TMEM178B: variants seen among roughly 807,000 people sequenced by gnomAD.
The protein encoded by TMEM178B is transmembrane protein 178B.
In TMEM178B, 5 loss-of-function variants were observed where a neutral mutation model predicts 31.0. The observed-to-expected ratio is 0.16, with a 90% CI of 0.08 to 0.34. The LOEUF (loss-of-function observed/expected upper bound fraction) is 0.34. TMEM178B is among the 10% of genes least tolerant of loss of function. The pLI, the probability that TMEM178B is intolerant of heterozygous loss-of-function variation, is 1.00. For synonymous variants in TMEM178B, 164 were observed against 164.0 expected, an observed-to-expected ratio of 1.00 and a Z score of 0.00; for missense variants, 275 against 400.3, an observed-to-expected ratio of 0.69 and a Z score of 2.67.
chr7:141,510,629 G>A, the TMEM178B span, among the ~76,000 whole-genome samples: 1 of 125,892 alleles, frequency 7.9e-6, no homozygotes, highest in African/African-American at 2.9e-5. Context: ...AGGTTGCGGT[G>A]AGCCAAGAAC....
At chr7:141,293,162 T>C (rs1425677050) in intron 2 of TMEM178B, among the ~76,000 whole-genome samples, 1 of 152,202 alleles carries the variant, frequency 6.6e-6, no homozygotes, top group East Asian at 1.9e-4. Flanking sequence ...GGTTTGGAGA[T>C]GAAACACACT....
At chr7:141,172,738 G>C (rs1796368269) in intron 1 of TMEM178B, among the ~76,000 whole-genome samples, 1 of 152,216 alleles carries the variant, frequency 6.6e-6, no homozygotes. Context: ...GTGATTATGA[G>C]ATGGTAAAGG....
chr7:141,319,919 C>G (rs970389803), intron 2 of TMEM178B, among the ~76,000 whole-genome samples: 2 of 152,164 alleles, frequency 1.3e-5, no homozygotes, highest in African/African-American at 4.8e-5. Flanking sequence ...AAACCTGACT[C>G]ATAGGATCAG....
chr7:141,230,881 G>A (rs1292790348), intron 2 of TMEM178B, among the ~76,000 whole-genome samples: 1 of 152,126 alleles, frequency 6.6e-6, no homozygotes, highest in Non-Finnish European at 1.5e-5. Context: ...GAACCTTGAA[G>A]GCAGGTCACA....
intron 2 of TMEM178B, among the ~76,000 whole-genome samples, chr7:141,391,833 A>T (rs1386105267): frequency 6.6e-6 from 1 of 152,192 alleles, no homozygotes; most frequent in Non-Finnish European, 1.5e-5. Flanking sequence ...CTCAAGGTTC[A>T]TCCATGTTGT....
chr7:141,260,739 T>G (rs892902707), intron 2 of TMEM178B, among the ~76,000 whole-genome samples: 1 of 152,174 alleles, frequency 6.6e-6, no homozygotes, highest in African/African-American at 2.4e-5. Context: ...AAAAACATTA[T>G]TTTCAAATTA....
intron 2 of TMEM178B, among the ~76,000 whole-genome samples, chr7:141,270,221 T>C (rs1331324279): frequency 6.6e-6 from 1 of 152,124 alleles, no homozygotes; most frequent in Non-Finnish European, 1.5e-5. Flanking sequence ...AGTACACAGC[T>C]CTGGGGAGCA....
intron 2 of TMEM178B, among the ~76,000 whole-genome samples, chr7:141,428,634 C>T (rs1801366387): frequency 6.6e-6 from 1 of 152,080 alleles, no homozygotes; most frequent in South Asian, 2.1e-4. Flanking sequence ...GGCAGGCCAC[C>T]CCACGTGTGG....
intron 1 of TMEM178B, among the ~76,000 whole-genome samples, chr7:141,118,960 A>G (rs933849560): frequency 3.3e-5 from 5 of 152,310 alleles, no homozygotes; most frequent in Non-Finnish European, 2.9e-5. Context: ...CAGGTCCCCA[A>G]GGGTAATTAT....
chr7:141,220,677 T>A (rs1391674374), intron 2 of TMEM178B, among the ~76,000 whole-genome samples: 2 of 152,158 alleles, frequency 1.3e-5, no homozygotes, highest in Non-Finnish European at 2.9e-5. Context: ...CAGGTCCAAT[T>A]TTGTGCTGGG....
intron 1 of TMEM178B, among the ~76,000 whole-genome samples, chr7:141,198,236 A>G (rs1278484871): frequency 1.3e-5 from 2 of 152,108 alleles, no homozygotes; most frequent in Non-Finnish European, 2.9e-5. Flanking sequence ...TATTGAGCTC[A>G]GTCTGTAGGA....
intron 1 of TMEM178B, among the ~76,000 whole-genome samples, chr7:141,159,781 A>T (rs1450667773): frequency 2.0e-5 from 3 of 152,012 alleles, no homozygotes; most frequent in Non-Finnish European, 4.4e-5. Context: ...ATAGAGACAG[A>T]AGGTAGAAGG....
At chr7:141,178,513 A>G (rs1489287002) in intron 1 of TMEM178B, among the ~76,000 whole-genome samples, 2 of 152,234 alleles carry the variant, frequency 1.3e-5, no homozygotes, top group African/African-American at 4.8e-5. Context: ...CAACCTACAC[A>G]AAGCTTAAAA....
At chr7:141,361,724 G>A (rs779281222) in intron 2 of TMEM178B, among the ~76,000 whole-genome samples, 3 of 152,138 alleles carry the variant, frequency 2.0e-5, no homozygotes, top group South Asian at 2.1e-4. Flanking sequence ...CCATGACACC[G>A]AGGCTGAGTG....
In TMEM178B at chr7:141,356,651, C is replaced by CG. The variant is rs1261477973; in HGVS notation, c.497-80950dup. Among the ~76,000 whole-genome samples, 244 of 64,098 alleles carry CG rather than the reference C, an allele frequency of 3.8e-3. 1 individual carries two copies. The highest frequency in any genetic ancestry group is 0.014 in the African/African-American group (233 of 17,138). The allele number at this position is 64,098 out of a possible 152,430, so 42.1% of individuals were successfully genotyped here. On this transcript the variant is annotated intron_variant, in intron 2 of 3. Transcript: ENST00000565468. Reference sequence around the variant, plus strand: ...GTCAGACCATAGTTGCGGGGTTGGGCGGGGGGGTGGTCTCTGCCTCAGGAT... The same window carrying CG: ...GTCAGACCATAGTTGCGGGGTTGGGCGGGGGGGGTGGTCTCTGCCTCAGGAT...
At chr7:141,139,461 C>T (rs1397586941) in intron 1 of TMEM178B, among the ~76,000 whole-genome samples, 2 of 152,136 alleles carry the variant, frequency 1.3e-5, no homozygotes, top group African/African-American at 4.8e-5. Flanking sequence ...AAGAGATCTT[C>T]CCACCTCAGC....
intron 2 of TMEM178B, among the ~76,000 whole-genome samples, chr7:141,373,653 C>T (rs765286124): frequency 6.6e-6 from 1 of 152,144 alleles, no homozygotes. Context: ...CCCTCCACCC[C>T]CCCAACACAC....
rs1799568437 is a variant in TMEM178B at position 141,344,176 on chromosome 7, G to T, written c.497-93432G>T. On this transcript the variant is annotated intron_variant, in intron 2 of 3. Coordinates refer to ENST00000565468, the MANE Select transcript of TMEM178B (RefSeq NM_001195278.2). This position sits in a 1 kb window ranked among gnomAD's most constrained non-coding sequence, Gnocchi z 4.1. ...TTTAAGGGTGACACAGCTTAATAAT[G>T]GTTGTATCAACAGCAGCAGCAGTTA... is the stretch of plus-strand genomic sequence containing the variant. Among the ~76,000 whole-genome samples, 1 of 152,156 alleles carries T rather than the reference G, an allele frequency of 6.6e-6. No homozygotes were observed. Among genetic ancestry groups the T allele is most frequent in the Non-Finnish European group, 1.5e-5 (1 of 68,028 alleles).
intron 2 of TMEM178B, among the ~76,000 whole-genome samples, chr7:141,307,540 A>G (rs1798835671): frequency 6.6e-6 from 1 of 152,192 alleles, no homozygotes; most frequent in African/African-American, 2.4e-5. Flanking sequence ...ACTCTGCCGG[A>G]GCACATATAT....
Sources: allele counts gnomAD v4.1 joint callset (sites outside exome capture counted in the v4.1 genomes callset), GRCh38; gene constraint gnomAD v4.1.1; non-coding constraint Gnocchi (gnomAD v3.1); transcripts MANE v1.5; gene names NCBI Gene and HGNC (gene_info 2026-07-23, HGNC 2026-07-21).